Variants in SLCO4C1 observed in about 807,000 individuals in gnomAD.
The protein encoded by SLCO4C1 is solute carrier organic anion transporter family member 4C1.
Under a neutral mutation model 72.1 loss-of-function variants are expected in SLCO4C1, and 58 were observed. That is an observed-to-expected ratio of 0.80 (90% CI 0.65 to 1.00). The LOEUF is 1.00. Ranked by LOEUF, SLCO4C1 falls within the 50% of genes least tolerant of loss-of-function variation. SLCO4C1 has a pLI of 0.00. For synonymous variants in SLCO4C1, 297 were observed against 312.5 expected (o/e 0.95, Z 0.52); for missense variants, 898 against 857.9 (o/e 1.05, Z -0.58).
intron 10 of SLCO4C1, among the ~76,000 whole-genome samples, chr5:102,243,093 G>T (rs72777926): frequency 0.012 from 1,817 of 152,290 alleles, 13 homozygotes; most frequent in Middle Eastern, 0.024. Flanking sequence ...GGTTGGAGGG[G>T]CCTATGGGGT....
At chr5:102,242,118 T>C (rs1037803682) in intron 10 of SLCO4C1, among the ~76,000 whole-genome samples, 6 of 152,178 alleles carry the variant, frequency 3.9e-5, no homozygotes, top group Admixed American at 6.5e-5. Context: ...CCAACTTACC[T>C]GACACCTGCC....
intron 10 of SLCO4C1, among the ~76,000 whole-genome samples, chr5:102,241,468 A>G (rs1353132607): frequency 6.6e-6 from 1 of 152,168 alleles, no homozygotes; most frequent in Non-Finnish European, 1.5e-5. Flanking sequence ...AACAATGAAC[A>G]AAAGAAATCA....
intron 2 of SLCO4C1, among the ~76,000 whole-genome samples, chr5:102,283,363 T>C (rs1184400465): frequency 6.6e-6 from 1 of 152,044 alleles, no homozygotes; most frequent in Non-Finnish European, 1.5e-5. Flanking sequence ...TCTATCACAG[T>C]GTGTGAGCAA....
chr5:102,279,825 T>A (rs1475767524), intron 2 of SLCO4C1, among the ~76,000 whole-genome samples: 2 of 151,910 alleles, frequency 1.3e-5, no homozygotes, highest in Non-Finnish European at 2.9e-5. Flanking sequence ...AATCGCATGA[T>A]CATGATCACA....
chr5:102,291,796 T>G (rs964760364), intron 1 of SLCO4C1, among the ~76,000 whole-genome samples, 190 bp from the exon 2 acceptor site: 1 of 152,018 alleles, frequency 6.6e-6, no homozygotes, highest in African/African-American at 2.4e-5. Flanking sequence ...TTTTTATTTT[T>G]GTTTATTTAT....
chr5:102,270,684 T>C lies in SLCO4C1; in HGVS notation c.742A>G (p.Thr248Ala), dbSNP rs1395105438. 1.2e-6 allele frequency: 2 copies of C among 1,613,114 alleles called. No individual in the cohort carries two copies. Among genetic ancestry groups the C allele is most frequent in the Non-Finnish European group, 1.7e-6 (2 of 1,179,508 alleles). ...LLGAGGTPLY[T>A]LGTAFLDDSV... is the part of the protein sequence containing the mutation. ...TCATCAAGAAAGGCTGTTCCCAGAG[T>C]ATAAAGAGGAGTTCCTCCTGCCCCC... Residue 248 changes from threonine to alanine, a missense_variant, in exon 3 of 13, where the codon ACT becomes GCT. Coordinates refer to ENST00000310954, the MANE Select transcript of SLCO4C1 (RefSeq NM_180991.5).
chr5:102,261,911 C>T lies in SLCO4C1; in HGVS notation c.1021+1G>A, dbSNP rs750300011. On this transcript the variant is annotated splice_donor_variant, in intron 5 of 12. Transcript: ENST00000310954. LOFTEE classifies it high-confidence loss of function. ...TCTGGTTTTAAAGAAAGCATGTTTA[C>T]CTGGTAAATGTTTTGGAAAGCAAGA... 3 of 1,607,846 alleles carry T rather than the reference C, an allele frequency of 1.9e-6. No homozygotes were observed. The highest frequency in any genetic ancestry group is 2.5e-6 in the Non-Finnish European group (3 of 1,177,406).
chr5:102,294,601 C>T (rs1170834002), intron 1 of SLCO4C1, among the ~76,000 whole-genome samples: 3 of 152,142 alleles, frequency 2.0e-5, no homozygotes, highest in Non-Finnish European at 4.4e-5. Context: ...TCCTTTGACA[C>T]TGAGATGCTT....
chr5:102,247,445 A>G lies in SLCO4C1; in HGVS notation c.1621-3T>C. 6.7e-7 allele frequency: 1 copy of G among 1,499,450 alleles called. No individual in the cohort carries two copies. The highest frequency in any genetic ancestry group is 9.0e-7 in the Non-Finnish European group (1 of 1,106,036). 92.9% of individuals were successfully genotyped at this position (1,499,450 alleles called of 1,614,324 possible). A position where few individuals can be genotyped will look rare whatever the true frequency, so the allele number is the denominator to read the frequency against. On this transcript the variant is annotated splice_region_variant and splice_polypyrimidine_tract_variant and intron_variant, in intron 9 of 12. Coordinates refer to ENST00000310954, the MANE Select transcript of SLCO4C1 (RefSeq NM_180991.5). ...ATACAGGAACAGTTGTAATATACCT[A>G]AAAATATTAGACATAAAAACAATGA...
intron 2 of SLCO4C1, among the ~76,000 whole-genome samples, chr5:102,289,710 T>C (rs929240243): frequency 2.0e-5 from 3 of 152,254 alleles, no homozygotes; most frequent in Non-Finnish European, 4.4e-5. Context: ...TTGTGCAGTC[T>C]TGTCCAATCT....
rs1442175083 is a variant in SLCO4C1 at position 102,257,253 on chromosome 5, G to T, written c.1331C>A (p.Ser444Ter). 9 of 1,608,000 alleles carry T rather than the reference G, an allele frequency of 5.6e-6. No homozygotes were observed. Among genetic ancestry groups the T allele is most frequent in the Non-Finnish European group, 6.8e-6 (8 of 1,177,698 alleles). Residue 444 changes from serine to a stop codon, truncating the protein, a stop_gained, in exon 8 of 13, where the codon TCA becomes TAA. Coordinates refer to ENST00000310954, the MANE Select transcript of SLCO4C1 (RefSeq NM_180991.5). LOFTEE classifies it high-confidence loss of function. ...LGQILGGFLV[S>*]KFRMTCKNTM... ...GTTTTTACATGTCATTCTGAATTTT[G>T]AAACAAGGAAGCCACCTAAAATTTG...
intron 3 of SLCO4C1, among the ~76,000 whole-genome samples, chr5:102,270,015 A>T (rs1174929318): frequency 1.3e-5 from 2 of 152,084 alleles, no homozygotes; most frequent in Admixed American, 1.3e-4. Flanking sequence ...TACACTGAAC[A>T]TACTGTCTTC....
rs754134149 is a variant in SLCO4C1, at chr5:102,270,631, G to T, written c.795C>A (p.Leu265=). 1.2e-6 allele frequency: 2 copies of T among 1,608,954 alleles called. No homozygotes were observed. The highest frequency in any genetic ancestry group is 1.3e-5 in the African/African-American group (1 of 74,752). The change falls in exon 3 of 13, where the codon CTC becomes CTA. Residue 265 remains leucine, a synonymous_variant. Coordinates refer to ENST00000310954, the MANE Select transcript of SLCO4C1 (RefSeq NM_180991.5). ...DDSVPTHKSS[L]YIGTGYAMSI... ...TTTAGAGAGTAAACTTACCTATATA[G>T]AGAGAAGACTTGTGTGTGGGCACAG...
chr5:102,252,394 T>C (rs1748757333), intron 8 of SLCO4C1, among the ~76,000 whole-genome samples: 1 of 152,144 alleles, frequency 6.6e-6, no homozygotes, highest in Non-Finnish European at 1.5e-5. Flanking sequence ...AATCTGCCAC[T>C]CTGCCTGCAG....
chr5:102,291,204 C>T (rs902960300), intron 2 of SLCO4C1, 139 bp downstream of exon 2: 4 of 867,416 alleles, frequency 4.6e-6, no homozygotes, highest in African/African-American at 3.4e-5. Context: ...ATACAGTTCA[C>T]ACAATGAACA....
In SLCO4C1 at chr5:102,263,710, T is replaced by C. The variant is rs1418317898; in HGVS notation, c.873A>G (p.Ile291Met). 6.2e-7 allele frequency: 1 copy of C among 1,612,806 alleles called. No individual in the cohort carries two copies. ...GYVLGGQLLT[I>M]YIDVAMGEST... ...TTTCTCCCATAGCAACATCAATGTA[T>C]ATGGTTAGCAGTTGTCCTCCCAATA... Residue 291 changes from isoleucine (I) to methionine (M), a missense_variant, in exon 4 of 13, where the codon ATA becomes ATG. Ile to Met is a conservative substitution (Grantham distance 10). Transcript: ENST00000310954.
At chr5:102,257,404 G>T in intron 7 of SLCO4C1, 94 bp from the exon 8 acceptor site, 1 of 955,080 alleles carries the variant, frequency 1.0e-6, no homozygotes, top group East Asian at 2.9e-5. Context: ...GTGTCAATAT[G>T]GTTTTAACTT....
Position 102,236,709 on chromosome 5 carries a change from C to G in SLCO4C1, c.*149G>C. On this transcript the variant is annotated 3_prime_UTR_variant, in exon 13 of 13. Coordinates refer to ENST00000310954, the MANE Select transcript of SLCO4C1 (RefSeq NM_180991.5). ...TGTTTCTTGCATAAAACAAAAACTA[C>G]ATAAGTAAAAAAATACATTTGATTA... 1 of 901,762 alleles carries G rather than the reference C, an allele frequency of 1.1e-6. No homozygotes were observed. The highest frequency in any genetic ancestry group is 1.6e-6 in the Non-Finnish European group (1 of 618,110). 55.9% of individuals were successfully genotyped at this position (901,762 alleles called of 1,614,324 possible). A position where few individuals can be genotyped will look rare whatever the true frequency, so the allele number is the denominator to read the frequency against.
intron 2 of SLCO4C1, 100 bp downstream of exon 2, chr5:102,291,243 C>T: frequency 7.8e-7 from 1 of 1,276,470 alleles, no homozygotes; most frequent in East Asian, 2.3e-5. Flanking sequence ...GAGATGTAAA[C>T]CCTTACCATA....
Sources: allele counts gnomAD v4.1 joint callset (sites outside exome capture counted in the v4.1 genomes callset), GRCh38; gene constraint gnomAD v4.1.1; transcripts MANE v1.5; gene names NCBI Gene and HGNC (gene_info 2026-07-23, HGNC 2026-07-21).